Variants in MTNAP1 observed in about 807,000 individuals in gnomAD.
MTNAP1 encodes mitochondrial nucleoid associated protein 1.
the MTNAP1 span, chr17:73,245,369 A>G: frequency 1.5e-6 from 2 of 1,346,970 alleles, no homozygotes; most frequent in Non-Finnish European, 1.9e-6. Flanking sequence ...TAAACGTATT[A>G]TTAATATAGA....
chr17:73,234,043 A>G, the MTNAP1 span, among the ~76,000 whole-genome samples: 1 of 152,184 alleles, frequency 6.6e-6, no homozygotes. Context: ...CACCCTTTTT[A>G]ATCTCTTTGG....
the MTNAP1 span, chr17:73,245,504 AC>A: frequency 1.3e-5 from 13 of 985,318 alleles, no homozygotes; most frequent in Non-Finnish European, 1.6e-5. Context: ...AAAGTTCATC[AC>A]TAAAATTAAG....
At chr17:73,241,352 G>GT in the MTNAP1 span, among the ~76,000 whole-genome samples, 1 of 151,946 alleles carries the variant, frequency 6.6e-6, no homozygotes, top group African/African-American at 2.4e-5. Flanking sequence ...TAGAGACGGG[G>GT]TTTTACAGTG....
At chr17:73,233,895 A>T in the MTNAP1 span, among the ~76,000 whole-genome samples, 10 of 152,014 alleles carry the variant, frequency 6.6e-5, no homozygotes, top group Admixed American at 5.9e-4. Context: ...ACCAAACAAC[A>T]ACAAAGTAAA....
the MTNAP1 span, chr17:73,233,196 C>T: frequency 6.6e-6 from 1 of 152,228 alleles, no homozygotes; most frequent in Non-Finnish European, 1.5e-5. Context: ...TGCCAAGTCA[C>T]CTGTCTGATC....
chr17:73,247,518 C>T, the MTNAP1 span: 1 of 584,816 alleles, frequency 1.7e-6, no homozygotes, highest in Non-Finnish European at 3.0e-6. Flanking sequence ...AGTAGTATCA[C>T]TTGTCATAAT....
At chr17:73,243,016 A>T in the MTNAP1 span, 1 of 1,596,818 alleles carries the variant, frequency 6.3e-7, no homozygotes, top group Non-Finnish European at 8.6e-7. Flanking sequence ...AAGTCTTTCT[A>T]TATTTCTAGC....
the MTNAP1 span, chr17:73,236,349 A>T: frequency 1.2e-6 from 2 of 1,614,028 alleles, no homozygotes; most frequent in African/African-American, 2.7e-5. Context: ...CATTAGGTAA[A>T]ATCCAAGTCA....
At chr17:73,242,401 G>C in the MTNAP1 span, 3 of 1,310,790 alleles carry the variant, frequency 2.3e-6, no homozygotes, top group African/African-American at 4.5e-5. Context: ...CTGGGCATTT[G>C]GAAAAGTTTC....
the MTNAP1 span, among the ~76,000 whole-genome samples, chr17:73,237,496 T>C: frequency 6.6e-6 from 1 of 152,180 alleles, no homozygotes; most frequent in Admixed American, 6.5e-5. Context: ...AGTGGTGGTT[T>C]ATCCCTCTCT....
chr17:73,232,653 G>C, the MTNAP1 span: 1 of 239,898 alleles, frequency 4.2e-6, no homozygotes. Flanking sequence ...GGGTTGGGCA[G>C]GGGCCTGGGG....
chr17:73,246,596 TTCTC>T, the MTNAP1 span, among the ~76,000 whole-genome samples: 1 of 152,162 alleles, frequency 6.6e-6, no homozygotes, highest in Non-Finnish European at 1.5e-5. Flanking sequence ...TGTATGTCGT[TTCTC>T]TCTCTTCTCA....
chr17:73,237,823 C>A, the MTNAP1 span, among the ~76,000 whole-genome samples: 3 of 152,050 alleles, frequency 2.0e-5, no homozygotes, highest in South Asian at 6.2e-4. Flanking sequence ...TAAAACTAGC[C>A]AGGTAAGACG....
the MTNAP1 span, chr17:73,248,345 A>G: frequency 2.7e-6 from 2 of 732,292 alleles, no homozygotes; most frequent in Admixed American, 4.9e-5. Context: ...AGAGCCAAGG[A>G]AAGAAAAAGA....
At chr17:73,245,810 A>G in the MTNAP1 span, 2 of 755,958 alleles carry the variant, frequency 2.6e-6, no homozygotes, top group African/African-American at 3.8e-5. Context: ...ATCACATTTT[A>G]TACATCTTAA....
chr17:73,232,464 G>C, the MTNAP1 span: 2 of 734,968 alleles, frequency 2.7e-6, no homozygotes, highest in Non-Finnish European at 4.2e-6. Flanking sequence ...TGGCAGAAGC[G>C]CTCGCCTGTT....
the MTNAP1 span, chr17:73,247,178 G>T: frequency 1.4e-6 from 2 of 1,435,270 alleles, no homozygotes; most frequent in South Asian, 2.3e-5. Flanking sequence ...GCAAAGTCGA[G>T]TAGTTGCGAC....
At chr17:73,239,401 G>A in the MTNAP1 span, among the ~76,000 whole-genome samples, 1 of 152,114 alleles carries the variant, frequency 6.6e-6, no homozygotes, top group Admixed American at 6.6e-5. Flanking sequence ...ACGTTTATCT[G>A]TGATGACTAT....
At chr17:73,233,385 G>GT in the MTNAP1 span, 1 of 152,324 alleles carries the variant, frequency 6.6e-6, no homozygotes, top group Non-Finnish European at 1.5e-5. Context: ...GATCTTTCAA[G>GT]TAGGGTTGAG....
Sources: allele counts gnomAD v4.1 joint callset (sites outside exome capture counted in the v4.1 genomes callset), GRCh38; gene constraint gnomAD v4.1.1; transcripts MANE v1.5; gene names NCBI Gene and HGNC (gene_info 2026-07-23, HGNC 2026-07-21).